RASAL2: variants seen among roughly 807,000 people sequenced by gnomAD.
The protein encoded by RASAL2 is ras GTPase-activating protein nGAP.
In RASAL2, 58 loss-of-function variants were observed where a neutral mutation model predicts 128.9. The ratio of observed to expected loss-of-function variants is 0.45; its 90% CI spans 0.36 to 0.56. The LOEUF (loss-of-function observed/expected upper bound fraction) is 0.56, where lower values mean the gene tolerates loss of function less well. RASAL2 is among the 20% of genes least tolerant of loss of function. The pLI, the probability that RASAL2 is intolerant of heterozygous loss-of-function variation, is 0.00. For synonymous variants in RASAL2, 561 were observed against 580.8 expected (o/e 0.97, Z 0.49); for missense variants, 1,360 against 1,601.6 (o/e 0.85, Z 2.57).
At chr1:178,279,449 A>G (rs1317937695) in intron 1 of RASAL2, among the ~76,000 whole-genome samples, 2 of 152,104 alleles carry the variant, frequency 1.3e-5, no homozygotes, top group Admixed American at 1.3e-4. Flanking sequence ...TCTCCCATAC[A>G]TTGTTAAGAC....
chr1:178,438,883 G>C (rs59827608), intron 5 of RASAL2, among the ~76,000 whole-genome samples: 1,265 of 53,416 alleles, frequency 0.024, 18 homozygotes, highest in African/African-American at 0.21. Context: ...CTTCGACTCT[G>C]TGTGTGTGTG....
intron 1 of RASAL2, among the ~76,000 whole-genome samples, chr1:178,163,880 A>G (rs1221855913): frequency 6.6e-6 from 1 of 152,188 alleles, no homozygotes; most frequent in Non-Finnish European, 1.5e-5. Context: ...CTTTGTAACA[A>G]CATTAAACCT....
At chr1:178,354,901 T>C (rs1223438694) in intron 3 of RASAL2, among the ~76,000 whole-genome samples, 1 of 152,208 alleles carries the variant, frequency 6.6e-6, no homozygotes, top group Non-Finnish European at 1.5e-5. Context: ...ATAGATTCAA[T>C]GTAATTCCAG....
chr1:178,311,224 AAAG>A (rs1668228872), intron 3 of RASAL2, among the ~76,000 whole-genome samples: 1 of 148,260 alleles, frequency 6.7e-6, no homozygotes, highest in Admixed American at 7.0e-5. Context: ...GGAGAACGAG[AAAG>A]AAGAAAACAG....
At chr1:178,243,912 A>G (rs1417609795) in intron 1 of RASAL2, among the ~76,000 whole-genome samples, 1 of 152,114 alleles carries the variant, frequency 6.6e-6, no homozygotes, top group Non-Finnish European at 1.5e-5. Context: ...ATCTTTTGTT[A>G]TTCATATCAT....
intron 1 of RASAL2, among the ~76,000 whole-genome samples, chr1:178,207,194 A>G (rs1035493730): frequency 9.9e-5 from 15 of 151,770 alleles, no homozygotes; most frequent in African/African-American, 3.6e-4. Context: ...CATTTAAATG[A>G]TGATTGGAAA....
At chr1:178,434,451 A>C (rs1041969081) in intron 5 of RASAL2, among the ~76,000 whole-genome samples, 1 of 152,126 alleles carries the variant, frequency 6.6e-6, no homozygotes, top group Non-Finnish European at 1.5e-5. Context: ...TTGAGTGACA[A>C]CTCAGGCTGA....
At chr1:178,294,628 G>A (rs959792680) in intron 2 of RASAL2, among the ~76,000 whole-genome samples, 1 of 152,150 alleles carries the variant, frequency 6.6e-6, no homozygotes, top group Admixed American at 6.5e-5. Flanking sequence ...TCCATCTATC[G>A]ATCAATCGAA....
At chr1:178,406,591 G>T (rs769202968) in intron 4 of RASAL2, among the ~76,000 whole-genome samples, 1 of 151,992 alleles carries the variant, frequency 6.6e-6, no homozygotes, top group South Asian at 2.1e-4. Flanking sequence ...TGTTTTAAAA[G>T]AAATGTTTTA....
At chr1:178,388,391 A>G (rs1435616350) in intron 3 of RASAL2, among the ~76,000 whole-genome samples, 2 of 152,206 alleles carry the variant, frequency 1.3e-5, no homozygotes, top group African/African-American at 4.8e-5. Flanking sequence ...AGCGATGTGC[A>G]TTAGAAGTCA....
chr1:178,247,572 G>A (rs1664825908), intron 1 of RASAL2, among the ~76,000 whole-genome samples: 1 of 152,010 alleles, frequency 6.6e-6, no homozygotes, highest in African/African-American at 2.4e-5. Flanking sequence ...ATCTCCTTCA[G>A]TTCTGCACTG....
intron 4 of RASAL2, among the ~76,000 whole-genome samples, chr1:178,404,763 C>A (rs938781535): frequency 2.0e-4 from 30 of 150,368 alleles, no homozygotes; most frequent in African/African-American, 6.4e-4. Context: ...CTCACTGTAA[C>A]CTCCACCTCC....
intron 14 of RASAL2, 43 bp from the exon 15 acceptor site, chr1:178,464,235 G>A (rs77036310): frequency 0.014 from 21,987 of 1,565,526 alleles, 223 homozygotes; most frequent in Middle Eastern, 0.017. Flanking sequence ...ATAGCACACG[G>A]GTGAGCTGTT....
In RASAL2 at chr1:178,337,587, C is replaced by CA. The variant is rs1298413580; in HGVS notation, c.457+37471dup. On this transcript the variant is annotated intron_variant, in intron 3 of 17. Transcript: ENST00000367649. ...TCAAAAGAGGAAGCACATGTAAGCT[C>CA]AAGAGCCAGCACACTTACAGCCTGG... is the stretch of plus-strand genomic sequence containing the variant. 4.6e-5 allele frequency among the ~76,000 whole-genome samples: 7 copies of CA among 152,184 alleles called. 1 individual carries two copies. The South Asian group carries it at 1.5e-3, about 32-fold the overall frequency.
At chr1:178,348,252 G>C (rs148157259) in intron 3 of RASAL2, among the ~76,000 whole-genome samples, 1 of 152,216 alleles carries the variant, frequency 6.6e-6, no homozygotes, top group East Asian at 1.9e-4. Flanking sequence ...AAAACTTATT[G>C]ACCTGTACAT....
chr1:178,288,598 C>G (rs1467142295), intron 2 of RASAL2, among the ~76,000 whole-genome samples: 3 of 144,536 alleles, frequency 2.1e-5, no homozygotes, highest in African/African-American at 7.7e-5. Flanking sequence ...TAGTTTTTTG[C>G]TTTCTATCAG....
chr1:178,125,283 T>C (rs973597940), intron 1 of RASAL2: 6 of 152,160 alleles, frequency 3.9e-5, no homozygotes, highest in African/African-American at 9.7e-5. Context: ...GAGAATATAT[T>C]TTACTACCTT....
chr1:178,320,306 C>G (rs1008449478), intron 3 of RASAL2, among the ~76,000 whole-genome samples: 6 of 152,350 alleles, frequency 3.9e-5, no homozygotes, highest in African/African-American at 1.4e-4. Context: ...CCTCCTTGAG[C>G]TGTGGTGGGC....
At chr1:178,395,787 ATATATTTATT>A (rs977801431) in intron 4 of RASAL2, among the ~76,000 whole-genome samples, 1 of 146,668 alleles carries the variant, frequency 6.8e-6, no homozygotes, top group African/African-American at 2.6e-5. Context: ...ATATATATAT[ATATATTTATT>A]TATTCATATG....
Sources: gnomAD v4.1 joint callset for allele counts (sites outside exome capture counted in the v4.1 genomes callset) on GRCh38, gnomAD v4.1.1 for gene constraint, MANE v1.5 for transcripts, NCBI Gene and HGNC (gene_info 2026-07-23, HGNC 2026-07-21) for gene names.